NDUFA11: variants seen among roughly 807,000 people sequenced by gnomAD.
The protein encoded by NDUFA11 is NADH:ubiquinone oxidoreductase subunit A11.
In NDUFA11, 14 loss-of-function variants were observed where a neutral mutation model predicts 11.3. The observed-to-expected ratio is 1.24, with a 90% CI of 0.82 to 1.94. The LOEUF (loss-of-function observed/expected upper bound fraction) is 1.94, where lower values mean the gene tolerates loss of function less well. Among genes scored for constraint, NDUFA11 ranks in the 30% most tolerant of loss-of-function variants. The probability of loss-of-function intolerance (pLI) is 0.00; values close to 1 mark genes in which losing one functional copy is unlikely to be tolerated. For synonymous variants in NDUFA11, 87 were observed against 85.6 expected, an observed-to-expected ratio of 1.02 and a Z score of -0.09; for missense variants, 204 against 200.3, an observed-to-expected ratio of 1.02 and a Z score of -0.11.
At chr19:5,892,475 C>T (rs1628564), downstream of NDUFA11, 88,544 of 159,306 alleles carry the variant, frequency 0.56, 25,363 homozygotes, top group East Asian at 0.71. Flanking sequence ...ACTAGTCTTT[C>T]CTCCTGTCCA....
At chr19:5,893,314 A>C, downstream of NDUFA11, 1 of 1,015,850 alleles carries the variant, frequency 9.8e-7, no homozygotes, top group Non-Finnish European at 1.5e-6. This position sits in a 1 kb window ranked among gnomAD's most constrained non-coding sequence, Gnocchi z 4.1. Context: ...AAATAAAAAC[A>C]ATTAGCTGGC....
chr19:5,894,932 C>T (rs1032640731), intron 3 of NDUFA11, 78 bp from the exon 4 acceptor site: 4 of 1,486,392 alleles, frequency 2.7e-6, no homozygotes, highest in African/African-American at 1.4e-5. Flanking sequence ...GGCCGGTGCC[C>T]ACCCTGGGAG....
downstream of NDUFA11, chr19:5,892,385 C>T: frequency 6.4e-6 from 1 of 155,930 alleles, no homozygotes; most frequent in Non-Finnish European, 1.4e-5. Context: ...GAAGGGCTTG[C>T]AGGGGGCGGA....
At chr19:5,899,084 T>C (rs561976520) in intron 1 of NDUFA11, among the ~76,000 whole-genome samples, 1 of 142,810 alleles carries the variant, frequency 7.0e-6, no homozygotes, top group South Asian at 2.2e-4. Context: ...CACACACACA[T>C]CCCCCCCTTC....
chr19:5,896,829 G>A lies in NDUFA11; in HGVS notation c.190+76C>T. 1 of 1,347,602 alleles carries A rather than the reference G, an allele frequency of 7.4e-7. No homozygotes were observed. The allele number at this position is 1,347,602 out of a possible 1,614,324, so 83.5% of individuals were successfully genotyped here. Reference sequence around the variant, plus strand: ...CGGGCTGGGGAGTCAGAGAGAAGAGGCAGCCGTCAAATGTGCTCTGAGAGC... The same window carrying A: ...CGGGCTGGGGAGTCAGAGAGAAGAGACAGCCGTCAAATGTGCTCTGAGAGC... On this transcript the variant is annotated intron_variant, in intron 2 of 3. Coordinates refer to ENST00000308961, the MANE Select transcript of NDUFA11 (RefSeq NM_175614.5). The surrounding 1 kb of genome is among the most constrained non-coding windows in gnomAD (Gnocchi z 5.8).
intron 1 of NDUFA11, 115 bp from the exon 2 acceptor site, chr19:5,897,112 GC>G: frequency 1.2e-6 from 1 of 838,862 alleles, no homozygotes; most frequent in South Asian, 1.4e-5. Context: ...CCCCTTCTTT[GC>G]CCATAGTGTC....
intron 1 of NDUFA11, among the ~76,000 whole-genome samples, chr19:5,897,628 C>T (rs1254306076): frequency 1.3e-5 from 2 of 152,246 alleles, no homozygotes; most frequent in South Asian, 4.1e-4. Context: ...CTGCCGCCCC[C>T]GCCACCCAGC....
intron 1 of NDUFA11, among the ~76,000 whole-genome samples, chr19:5,899,451 C>CTTTT (rs71172780): frequency 0.011 from 790 of 68,824 alleles, 70 homozygotes; most frequent in Middle Eastern, 0.018. Context: ...CGCCCGGACT[C>CTTTT]TTTTTTTTTT....
downstream of NDUFA11, chr19:5,893,211 A>C: frequency 6.5e-7 from 1 of 1,534,162 alleles, no homozygotes; most frequent in Non-Finnish European, 8.7e-7. This position sits in a 1 kb window ranked among gnomAD's most constrained non-coding sequence, Gnocchi z 4.1. Context: ...TAATCCCAGC[A>C]CTCTGGGAGG....
downstream of NDUFA11, chr19:5,893,209 G>T: frequency 3.9e-6 from 6 of 1,535,934 alleles, no homozygotes; most frequent in Non-Finnish European, 5.2e-6. The surrounding 1 kb of genome is among the most constrained non-coding windows in gnomAD (Gnocchi z 4.1). Context: ...TATAATCCCA[G>T]CACTCTGGGA....
chr19:5,896,810 G>A lies in NDUFA11; in HGVS notation c.190+95C>T, dbSNP rs560926433. On this transcript the variant is annotated intron_variant, in intron 2 of 3. Transcript: ENST00000308961. This position sits in a 1 kb window ranked among gnomAD's most constrained non-coding sequence, Gnocchi z 5.8. ...ATGGCCAGCACTGTGGACACGGGCT[G>A]GGGAGTCAGAGAGAAGAGGCAGCCG... The A allele has an allele frequency of 3.2e-6, 4 of 1,249,572 alleles. No homozygotes were observed. In the South Asian group the frequency reaches 3.6e-5, roughly 11 times the overall value. 77.4% of individuals were successfully genotyped at this position (1,249,572 alleles called of 1,614,324 possible). A position where few individuals can be genotyped will look rare whatever the true frequency, so the allele number is the denominator to read the frequency against.
At position 5,899,251 on chromosome 19, in the gene NDUFA11, A is replaced by G. The variant is rs999944165; in HGVS notation, c.98-2254T>C. 2.1e-3 allele frequency among the ~76,000 whole-genome samples: 310 copies of G among 145,306 alleles called. 1 individual carries two copies. The highest frequency in any genetic ancestry group is 7.5e-3 in the African/African-American group (291 of 38,904). ...TGCAAGCCCCGCCTCCTGGGTTCAC[A>G]CCATTCTCCTGCCTCAGCCTCCCGA... On this transcript the variant is annotated intron_variant, in intron 1 of 3. Coordinates refer to ENST00000308961, the MANE Select transcript of NDUFA11 (RefSeq NM_175614.5).
At chr19:5,901,816 T>C (rs1162738022) in intron 1 of NDUFA11, among the ~76,000 whole-genome samples, 1 of 149,212 alleles carries the variant, frequency 6.7e-6, no homozygotes, top group Non-Finnish European at 1.5e-5. Flanking sequence ...ACTACAGGTG[T>C]CCACCACCAC....
downstream of NDUFA11, chr19:5,893,016 T>G: frequency 6.5e-7 from 1 of 1,534,292 alleles, no homozygotes; most frequent in Non-Finnish European, 8.7e-7. The surrounding 1 kb of genome is among the most constrained non-coding windows in gnomAD (Gnocchi z 4.1). Context: ...GGTGGGTGTG[T>G]CCGCCCTTTC....
chr19:5,894,171 G>C (rs943716508), downstream of NDUFA11, among the ~76,000 whole-genome samples: 2 of 152,234 alleles, frequency 1.3e-5, no homozygotes, highest in Non-Finnish European at 2.9e-5. Flanking sequence ...CTAGCCCCAG[G>C]GGCTGCGAGT....
chr19:5,900,102 A>ACTGCCCCACCCCAACT (rs1355693701), intron 1 of NDUFA11: 3 of 152,034 alleles, frequency 2.0e-5, no homozygotes, highest in Non-Finnish European at 4.4e-5. Flanking sequence ...GAGGTCAAGG[A>ACTGCCCCACCCCAACT]CTGCCCCACC....
chr19:5,892,607 G>A (rs371693280), downstream of NDUFA11: 1 of 274,974 alleles, frequency 3.6e-6, no homozygotes, highest in Non-Finnish European at 6.9e-6. Flanking sequence ...GACAAGGCCT[G>A]GAGTGCGGAG....
At position 5,896,522 on chromosome 19, in the gene NDUFA11, C is replaced by G. The variant is rs865922410; in HGVS notation, c.244G>C (p.Glu82Gln). Residue 82 changes from glutamate (E) to glutamine (Q), a missense_variant, in exon 3 of 4, where the codon GAG (glutamate) becomes CAG (glutamine). Coordinates refer to ENST00000308961, the MANE Select transcript of NDUFA11 (RefSeq NM_175614.5). This position sits in a 1 kb window ranked among gnomAD's most constrained non-coding sequence, Gnocchi z 5.8. ...TAGTTCAGGGGGTCGTCGGGCTTCTCGCGGACATGGGCGCTGATGCAGGTG... is the reference window on the plus strand; with the variant it reads ...TAGTTCAGGGGGTCGTCGGGCTTCTGGCGGACATGGGCGCTGATGCAGGTG... ...LTTCISAHVR[E>Q]KPDDPLNYFL... 6.4e-7 allele frequency: 1 copy of G among 1,570,422 alleles called. No homozygotes were observed. The highest frequency in any genetic ancestry group is 8.6e-7 in the Non-Finnish European group (1 of 1,158,270).
At chr19:5,895,621 G>A (rs1267288372) in intron 3 of NDUFA11, 1 of 152,986 alleles carries the variant, frequency 6.5e-6, no homozygotes, top group Non-Finnish European at 1.5e-5. Flanking sequence ...GAGCGGCTGA[G>A]CTGCAAGAGG....
Sources: allele counts gnomAD v4.1 joint callset (sites outside exome capture counted in the v4.1 genomes callset), GRCh38; gene constraint gnomAD v4.1.1; non-coding constraint Gnocchi (gnomAD v3.1); transcripts MANE v1.5; gene names NCBI Gene and HGNC (gene_info 2026-07-23, HGNC 2026-07-21).